The following ARHGAP26 variants were observed in gnomAD, a reference collection of about 807,000 sequenced individuals.
The protein encoded by ARHGAP26 is rho GTPase-activating protein 26.
A neutral mutation model predicts 104.8 loss-of-function variants in ARHGAP26; 38 were observed. The observed-to-expected ratio is 0.36, with a 90% CI of 0.28 to 0.48. ARHGAP26 has a LOEUF of 0.48. Ranked by LOEUF, ARHGAP26 falls within the 20% of genes least tolerant of loss-of-function variation. The pLI is 0.99. For missense variants in ARHGAP26, 704 were observed against 947.9 expected (o/e 0.74, Z 3.38); for synonymous variants, 341 against 340.0 (o/e 1.00, Z -0.03).
At chr5:142,961,053 C>T (rs148006491) in intron 11 of ARHGAP26, among the ~76,000 whole-genome samples, 29 of 152,294 alleles carry the variant, frequency 1.9e-4, no homozygotes, top group African/African-American at 5.8e-4. Context: ...TCTGTACAGC[C>T]TACTATGTTT....
In ARHGAP26 at chr5:142,913,819, A is replaced by G. The variant is rs117342265; in HGVS notation, c.1028+526A>G. 2.8e-3 allele frequency among the ~76,000 whole-genome samples: 432 copies of G among 152,258 alleles called. 3 individuals carry two copies. Among genetic ancestry groups the G allele is most frequent in the African/African-American group, 8.1e-3 (337 of 41,556 alleles). On this transcript the variant is annotated intron_variant, in intron 10 of 22. Coordinates refer to ENST00000645722, the MANE Select transcript of ARHGAP26 (RefSeq NM_001135608.3). The stretch of plus-strand genomic sequence containing the variant: ...ACACCAAACCACTCGTGAAATCACA[A>G]TTTTTTGGAGAGAGAGCCGTGTGTT...
chr5:143,124,686 G>A (rs1389559703), intron 18 of ARHGAP26, among the ~76,000 whole-genome samples: 1 of 152,190 alleles, frequency 6.6e-6, no homozygotes, highest in Admixed American at 6.5e-5. Context: ...CTGGAGCAAA[G>A]TATCATTTCT....
intron 1 of ARHGAP26, among the ~76,000 whole-genome samples, chr5:142,818,634 T>C (rs1765559821): frequency 6.6e-6 from 1 of 152,192 alleles, no homozygotes; most frequent in African/African-American, 2.4e-5. Flanking sequence ...CTTCATTTCC[T>C]CATGTATAAA....
intron 20 of ARHGAP26, among the ~76,000 whole-genome samples, chr5:143,174,674 G>A (rs1803234951): frequency 6.6e-6 from 1 of 152,130 alleles, no homozygotes; most frequent in Non-Finnish European, 1.5e-5. Context: ...TAATTTATTT[G>A]TAGATATATA....
intron 9 of ARHGAP26, among the ~76,000 whole-genome samples, chr5:142,909,078 C>T (rs897228071): frequency 1.3e-5 from 2 of 152,094 alleles, no homozygotes; most frequent in Non-Finnish European, 2.9e-5. Context: ...GAGATTTGGT[C>T]TCTTCCAATA....
At chr5:142,824,231 TGAG>T (rs1766771370) in intron 1 of ARHGAP26, among the ~76,000 whole-genome samples, 2 of 152,326 alleles carry the variant, frequency 1.3e-5, no homozygotes, top group East Asian at 3.9e-4. Flanking sequence ...TCCAGGTTCT[TGAG>T]GATGTGTTGT....
intron 11 of ARHGAP26, chr5:142,947,118 A>AAAAAAAAAAG (rs1336588621): frequency 9.0e-5 from 13 of 144,594 alleles, no homozygotes; most frequent in African/African-American, 3.5e-4. Context: ...AAAAAAAAAA[A>AAAAAAAAAAG]AGAGAGAGAG....
chr5:143,150,758 T>A (rs1799754414), intron 20 of ARHGAP26, among the ~76,000 whole-genome samples: 1 of 152,220 alleles, frequency 6.6e-6, no homozygotes, highest in African/African-American at 2.4e-5. Context: ...ATTATACCTT[T>A]CACAGAAATT....
chr5:142,962,895 AC>A (rs1390966501), intron 11 of ARHGAP26, among the ~76,000 whole-genome samples: 3 of 151,826 alleles, frequency 2.0e-5, no homozygotes, highest in Admixed American at 2.0e-4. Context: ...TTATTTTGTC[AC>A]CCAGGTACTA....
intron 17 of ARHGAP26, among the ~76,000 whole-genome samples, chr5:143,093,609 C>T (rs1040079415): frequency 5.3e-5 from 8 of 151,476 alleles, no homozygotes; most frequent in South Asian, 4.2e-4. Flanking sequence ...TCTTTGACTC[C>T]ATCTTTGTCT....
chr5:143,160,481 T>TTC (rs1393076952), intron 20 of ARHGAP26, among the ~76,000 whole-genome samples: 43 of 150,824 alleles, frequency 2.9e-4, no homozygotes, highest in African/African-American at 7.6e-4. Flanking sequence ...GGTGGTTTTT[T>TTC]TTTCTTTCTT....
intron 11 of ARHGAP26, among the ~76,000 whole-genome samples, chr5:142,951,526 T>C (rs1768385194): frequency 6.6e-6 from 1 of 152,176 alleles, no homozygotes; most frequent in African/African-American, 2.4e-5. Context: ...TGGGCTGGGG[T>C]CTAATCTAGT....
intron 11 of ARHGAP26, among the ~76,000 whole-genome samples, chr5:142,996,304 A>C (rs1468099383): frequency 6.6e-6 from 1 of 152,164 alleles, no homozygotes; most frequent in Non-Finnish European, 1.5e-5. Context: ...CAGCCTGATT[A>C]ACATGGTGAA....
chr5:143,053,298 C>A (rs1414460090), intron 14 of ARHGAP26, among the ~76,000 whole-genome samples: 6 of 152,240 alleles, frequency 3.9e-5, no homozygotes, highest in Non-Finnish European at 7.4e-5. Context: ...TCATTCTCCA[C>A]CCCTGGAAAA....
At chr5:142,824,469 C>A (rs1185886479) in intron 1 of ARHGAP26, among the ~76,000 whole-genome samples, 1 of 152,200 alleles carries the variant, frequency 6.6e-6, no homozygotes, top group African/African-American at 2.4e-5. Flanking sequence ...GGCTGCAGCC[C>A]TAGCATCAGC....
chr5:142,864,614 G>A (rs1285685991), intron 1 of ARHGAP26, among the ~76,000 whole-genome samples: 1 of 152,164 alleles, frequency 6.6e-6, no homozygotes, highest in East Asian at 1.9e-4. Context: ...TAATTGTTAT[G>A]GTAATTAAGA....
At position 142,828,325 on chromosome 5, in the gene ARHGAP26, A is replaced by G. The variant is rs546819809; in HGVS notation, c.155-45075A>G. On this transcript the variant is annotated intron_variant, in intron 1 of 22. Transcript: ENST00000645722. Reference sequence around the variant, plus strand: ...CTGCACTCTGTACGATTCCACTTTTACCCGTGCAGTTTCCCTTCTTTTCTT... The same window carrying G: ...CTGCACTCTGTACGATTCCACTTTTGCCCGTGCAGTTTCCCTTCTTTTCTT... Among the ~76,000 whole-genome samples the G allele has an allele frequency of 7.2e-5, 11 of 152,238 alleles. No individual in the cohort carries two copies. In the South Asian group the frequency reaches 1.2e-3, roughly 17 times the overall value.
chr5:142,771,826 C>T (rs1025931355), intron 1 of ARHGAP26, among the ~76,000 whole-genome samples: 1 of 152,206 alleles, frequency 6.6e-6, no homozygotes, highest in Admixed American at 6.5e-5. Context: ...CATTCTGCTT[C>T]ACTTTTGCAG....
At chr5:142,771,869 C>T (rs1396370984) in intron 1 of ARHGAP26, among the ~76,000 whole-genome samples, 2 of 152,190 alleles carry the variant, frequency 1.3e-5, no homozygotes, top group African/African-American at 2.4e-5. Flanking sequence ...GCCAAATAAG[C>T]GTGCTCTAGG....
Sources: allele counts gnomAD v4.1 joint callset (sites outside exome capture counted in the v4.1 genomes callset), GRCh38; gene constraint gnomAD v4.1.1; transcripts MANE v1.5; gene names NCBI Gene and HGNC (gene_info 2026-07-23, HGNC 2026-07-21).